TBX15: variants seen among roughly 807,000 people sequenced by gnomAD.
TBX15 encodes the protein T-box transcription factor TBX15.
Under a neutral mutation model 53.9 loss-of-function variants are expected in TBX15, and 18 were observed. The observed-to-expected ratio is 0.33, with a 90% CI of 0.23 to 0.49. The LOEUF (loss-of-function observed/expected upper bound fraction) is 0.49, where lower values mean the gene tolerates loss of function less well. TBX15 is among the 20% of genes least tolerant of loss of function. The pLI is 0.98. For synonymous variants in TBX15, 295 were observed against 278.0 expected (o/e 1.06, Z -0.61); for missense variants, 692 against 749.5 (o/e 0.92, Z 0.90).
chr1:118,939,839 G>A (rs1327944354), intron 1 of TBX15, among the ~76,000 whole-genome samples: 1 of 151,860 alleles, frequency 6.6e-6, no homozygotes, highest in Non-Finnish European at 1.5e-5. Context: ...AGGAAGAGAA[G>A]TAGCAAGTAC....
intron 6 of TBX15, among the ~76,000 whole-genome samples, chr1:118,904,678 A>G (rs1326946623): frequency 6.6e-6 from 1 of 152,188 alleles, no homozygotes; most frequent in Admixed American, 6.5e-5. Context: ...GTCCATAAAG[A>G]GTTTTCATTG....
intron 5 of TBX15, among the ~76,000 whole-genome samples, chr1:118,917,414 G>A (rs973116877): frequency 1.3e-5 from 2 of 152,154 alleles, no homozygotes; most frequent in African/African-American, 4.8e-5. Context: ...ACTGAGGCCT[G>A]TCAGGGAGCA....
chr1:118,923,393 A>G (rs749988915), intron 5 of TBX15, 43 bp downstream of exon 5: 6 of 1,612,060 alleles, frequency 3.7e-6, no homozygotes, highest in Middle Eastern at 3.3e-4. Context: ...CAGAAGGACC[A>G]AAAAACAGAT....
intron 1 of TBX15, among the ~76,000 whole-genome samples, chr1:118,951,431 T>C (rs527805621): frequency 5.6e-4 from 86 of 152,270 alleles, no homozygotes; most frequent in African/African-American, 1.4e-3. Context: ...CTGGAGAAAG[T>C]CCAGTGGAGG....
chr1:118,924,606 G>T, intron 4 of TBX15, 40 bp downstream of exon 4: 1 of 1,612,728 alleles, frequency 6.2e-7, no homozygotes, highest in South Asian at 1.1e-5. Context: ...GCAAACAGAG[G>T]AAGAGAGAAA....
At chr1:118,904,510 A>T (rs558603146) in intron 6 of TBX15, among the ~76,000 whole-genome samples, 25 of 152,312 alleles carry the variant, frequency 1.6e-4, no homozygotes, top group African/African-American at 6.0e-4. Flanking sequence ...GTATATCTAC[A>T]TGATGAAGTA....
At chr1:118,889,105 A>C (rs1248777761) in intron 7 of TBX15, among the ~76,000 whole-genome samples, 1 of 152,202 alleles carries the variant, frequency 6.6e-6, no homozygotes, top group Non-Finnish European at 1.5e-5. Context: ...TGTTTGAAGG[A>C]GGCAGGGGCA....
At chr1:118,910,693 C>A (rs952861474) in intron 6 of TBX15, among the ~76,000 whole-genome samples, 1 of 152,266 alleles carries the variant, frequency 6.6e-6, no homozygotes, top group East Asian at 1.9e-4. Flanking sequence ...CCCTTACTTG[C>A]CGTAGCAATT....
intron 6 of TBX15, among the ~76,000 whole-genome samples, chr1:118,905,625 A>G (rs1654791387): frequency 6.6e-6 from 1 of 152,216 alleles, no homozygotes; most frequent in South Asian, 2.1e-4. Flanking sequence ...AGCACTGATT[A>G]CTTCCATAGA....
At chr1:118,937,853 T>C (rs981948479) in intron 1 of TBX15, among the ~76,000 whole-genome samples, 1 of 152,170 alleles carries the variant, frequency 6.6e-6, no homozygotes, top group Non-Finnish European at 1.5e-5. Context: ...TCACAAAGTC[T>C]CTAAAACCAA....
At position 118,987,803 on chromosome 1, in the gene TBX15, G is replaced by T. The variant is rs1299988475; in HGVS notation, c.-8C>A. On this transcript the variant is annotated 5_prime_UTR_variant, in exon 1 of 8. Coordinates refer to ENST00000369429, the MANE Select transcript of TBX15 (RefSeq NM_001330677.2). The stretch of plus-strand genomic sequence containing the variant: ...TCTTCTCCTTTCACTCATTTTAGCC[G>T]CCCACACCCCTGCCTCCGCTTGCCC... 5.2e-6 allele frequency: 8 copies of T among 1,548,720 alleles called. No individual in the cohort carries two copies. The highest frequency in any genetic ancestry group is 7.0e-6 in the Non-Finnish European group (8 of 1,146,534).
intron 1 of TBX15, among the ~76,000 whole-genome samples, chr1:118,981,842 C>T (rs1035092364): frequency 6.6e-6 from 1 of 152,202 alleles, no homozygotes; most frequent in African/African-American, 2.4e-5. Context: ...GTTCCCAGTG[C>T]AGACCCCTGA....
chr1:118,958,509 T>C lies in TBX15; in HGVS notation c.206-26677A>G, dbSNP rs769383389. 1.1e-4 allele frequency among the ~76,000 whole-genome samples: 17 copies of C among 152,370 alleles called. No individual in the cohort carries two copies. In the South Asian group the frequency reaches 1.4e-3, roughly 13 times the overall value. On this transcript the variant is annotated intron_variant, in intron 1 of 7. Transcript: ENST00000369429. ...CAATATTTTGATGTTTAGTTCAACA[T>C]AGATTTTTTTACATTAATTCTGAAT...
intron 1 of TBX15, among the ~76,000 whole-genome samples, chr1:118,939,797 TC>T (rs1472018608): frequency 6.6e-5 from 10 of 152,024 alleles, no homozygotes; most frequent in Non-Finnish European, 1.3e-4. Flanking sequence ...CCTCTAGTGA[TC>T]CAGCATGCTT....
In TBX15 at chr1:118,914,198, G is replaced by A; in HGVS notation, c.862-19C>T. The A allele has an allele frequency of 6.2e-7, 1 of 1,609,166 alleles. No homozygotes were observed. The highest frequency in any genetic ancestry group is 8.5e-7 in the Non-Finnish European group (1 of 1,175,948). On this transcript the variant is annotated intron_variant, in intron 5 of 7. Transcript: ENST00000369429. Reference sequence around the variant, plus strand: ...TGGTAATCTGGAAACAAACAAATAAGTATGAATTGCTTTTATATTAACTGA... The same window carrying A: ...TGGTAATCTGGAAACAAACAAATAAATATGAATTGCTTTTATATTAACTGA...
At chr1:118,980,032 T>C (rs912778339) in intron 1 of TBX15, among the ~76,000 whole-genome samples, 1 of 152,236 alleles carries the variant, frequency 6.6e-6, no homozygotes, top group Non-Finnish European at 1.5e-5. Context: ...TTCTGACTTC[T>C]GAAGGTCACC....
chr1:118,926,109 G>A (rs79747857), intron 3 of TBX15, among the ~76,000 whole-genome samples: 13 of 152,036 alleles, frequency 8.6e-5, no homozygotes, highest in South Asian at 2.1e-4. Context: ...TCTATGGGGC[G>A]ATCCATCAAA....
At chr1:118,936,978 T>C (rs117695103) in intron 1 of TBX15, among the ~76,000 whole-genome samples, 1 of 152,266 alleles carries the variant, frequency 6.6e-6, no homozygotes, top group East Asian at 1.9e-4. Flanking sequence ...AGAAAGGACA[T>C]AGAAACTGTT....
At chr1:118,953,966 C>T (rs752222228) in intron 1 of TBX15, among the ~76,000 whole-genome samples, 6 of 152,140 alleles carry the variant, frequency 3.9e-5, no homozygotes, top group Non-Finnish European at 8.8e-5. Flanking sequence ...CCAGGCCAGA[C>T]CAAATAAAGC....
Sources: allele counts gnomAD v4.1 joint callset (sites outside exome capture counted in the v4.1 genomes callset), GRCh38; gene constraint gnomAD v4.1.1; transcripts MANE v1.5; gene names NCBI Gene and HGNC (gene_info 2026-07-23, HGNC 2026-07-21).